Variants in LIPT2 observed in about 807,000 individuals in gnomAD.
LIPT2 encodes octanoyl-[acyl-carrier-protein]:protein N-octanoyltransferase LIPT2, mitochondrial.
LIPT2 carries 16 observed loss-of-function variants against 16.2 expected under a neutral mutation model. The ratio of observed to expected loss-of-function variants is 0.99; its 90% confidence interval spans 0.67 to 1.50. The LOEUF (loss-of-function observed/expected upper bound fraction) is 1.50, where lower values mean the gene tolerates loss of function less well. LIPT2 is among the 40% of genes most tolerant of loss of function. The pLI, the probability that LIPT2 is intolerant of heterozygous loss-of-function variation, is 0.00. For missense variants in LIPT2, 424 were observed against 347.7 expected, an observed-to-expected ratio of 1.22 and a Z score of -1.75; for synonymous variants, 199 against 169.3, an observed-to-expected ratio of 1.18 and a Z score of -1.36.
chr11:74,492,413 G>A, intron 1 of LIPT2, 49 bp from the exon 2 acceptor site: 1 of 1,256,168 alleles, frequency 8.0e-7, no homozygotes, highest in Non-Finnish European at 1.1e-6. Flanking sequence ...CCACTCTCCG[G>A]GCTTTGGTGT....
Position 74,493,457 on chromosome 11 carries a change from T to C in LIPT2, c.247A>G (p.Thr83Ala). The C allele has an allele frequency of 6.7e-7, 1 of 1,490,036 alleles. No individual in the cohort carries two copies. Among genetic ancestry groups the C allele is most frequent in the Non-Finnish European group, 8.9e-7 (1 of 1,126,696 alleles). The allele number at this position is 1,490,036 out of a possible 1,614,324, so 92.3% of individuals were successfully genotyped here. ...LRALGAEVRV[T>A]GRGGLATFHG... is the part of the protein sequence containing the mutation. The stretch of plus-strand genomic sequence containing the variant: ...AAGGTGGCCAGGCCACCGCGGCCTG[T>C]GACGCGCACCTCGGCGCCCAAGGCC... The change falls in exon 1 of 2, where the codon ACA becomes GCA. Residue 83 changes from threonine (T) to alanine (A), a missense_variant. By Grantham distance (58) the Thr-to-Ala change is moderately conservative (BLOSUM62 0). Coordinates refer to ENST00000310109, the MANE Select transcript of LIPT2 (RefSeq NM_001144869.3).
At position 74,492,165 on chromosome 11, in the gene LIPT2, G is replaced by A. The variant is rs574281635; in HGVS notation, c.666C>T (p.Cys222=). The stretch of plus-strand genomic sequence containing the variant: ...TGGGGCTGTCCTCTGAGATCAGTGT[G>A]CACTTGTAGATCTCCTTAAAGGCCA... ...FLVAFKEIYK[C]TLISEDSPN The change falls in exon 2 of 2, where the codon TGC becomes TGT. Residue 222 remains cysteine (C), a synonymous_variant. Transcript: ENST00000310109. The A allele has an allele frequency of 3.2e-6, 5 of 1,551,538 alleles. No individual in the cohort carries two copies. The South Asian group carries it at 4.8e-5, about 15-fold the overall frequency.
chr11:74,493,672 A>G lies in LIPT2; in HGVS notation c.32T>C (p.Leu11Pro). 2 of 1,414,156 alleles carry G rather than the reference A, an allele frequency of 1.4e-6. 1 individual carries two copies. The highest frequency in any genetic ancestry group is 1.8e-6 in the Non-Finnish European group (2 of 1,090,548). The allele number at this position is 1,414,156 out of a possible 1,614,324, so 87.6% of individuals were successfully genotyped here. ...TAGCTCGGCGTACGGCACCCGACCC[A>G]GGCGCACCAACCGAACGGCGGGTTG... MRQPAVRLVR[L>P]GRVPYAELLG... is the part of the protein sequence containing the mutation. The change falls in exon 1 of 2, where the codon CTG becomes CCG. Residue 11 changes from leucine (L) to proline (P), a missense_variant. Transcript: ENST00000310109.
rs543581000 is a variant in LIPT2 at position 74,493,597 on chromosome 11, A to G, written c.107T>C (p.Ile36Thr). The G allele has an allele frequency of 8.1e-4, 1,186 of 1,455,654 alleles. 1 individual carries two copies. The highest frequency in any genetic ancestry group is 4.7e-3 in the Middle Eastern group (20 of 4,290). 90.2% of individuals were successfully genotyped at this position (1,455,654 alleles called of 1,614,324 possible). The change falls in exon 1 of 2, where the codon ATT (isoleucine) becomes ACT (threonine). Residue 36 changes from isoleucine to threonine, a missense_variant. Physicochemically the swap from Ile to Thr is moderately conservative, Grantham distance 89. Transcript: ENST00000310109. The stretch of plus-strand genomic sequence containing the variant: ...CGCCTCAGTCCCCGACGGGGCCTCA[A>G]TGCCTGGCTCGGCCTGCAGCCGCCG... ...WLRRLQAEPG[I>T]EAPSGTEAGA...
chr11:74,491,889 G>T lies in LIPT2; in HGVS notation c.*246C>A. The T allele has an allele frequency of 2.0e-6, 1 of 502,240 alleles. No homozygotes were observed. The allele number at this position is 502,240 out of a possible 1,614,324, so 31.1% of individuals were successfully genotyped here. Reference sequence around the variant, plus strand: ...CTGAGACACTGCTGTCAATAGCAGTGCTAATGTTTTATATAGCATGTGTTG... The same window carrying T: ...CTGAGACACTGCTGTCAATAGCAGTTCTAATGTTTTATATAGCATGTGTTG... On this transcript the variant is annotated 3_prime_UTR_variant, in exon 2 of 2. Transcript: ENST00000310109.
Position 74,493,272 on chromosome 11 carries a change from G to C in LIPT2, c.432C>G (p.Gly144=). Residue 144 remains glycine, a synonymous_variant, in exon 1 of 2, where the codon GGC becomes GGG. Coordinates refer to ENST00000310109, the MANE Select transcript of LIPT2 (RefSeq NM_001144869.3). The part of the protein sequence containing the change: ...DARARPPPYT[G]VWLDDRKICA... ...AGATCTTGCGATCGTCTAGCCAGAC[G>C]CCAGTGTAGGGCGGGGGCCGCGCGC... The C allele has an allele frequency of 7.2e-7, 1 of 1,383,404 alleles. No individual in the cohort carries two copies. Among genetic ancestry groups the C allele is most frequent in the Non-Finnish European group, 9.4e-7 (1 of 1,069,430 alleles). The allele number at this position is 1,383,404 out of a possible 1,614,324, so 85.7% of individuals were successfully genotyped here.
In LIPT2 at chr11:74,493,232, G is replaced by A. The variant is rs1158507210; in HGVS notation, c.466+6C>T. ...CTCAGGTACCGCCCTGCTCCGCGGC[G>A]CTCACCGATCGCGCAGATCTTGCGA... On this transcript the variant is annotated splice_donor_region_variant and intron_variant, in intron 1 of 1. Coordinates refer to ENST00000310109, the MANE Select transcript of LIPT2 (RefSeq NM_001144869.3). 1.3e-5 allele frequency: 17 copies of A among 1,345,086 alleles called. No individual in the cohort carries two copies. Among genetic ancestry groups the A allele is most frequent in the Non-Finnish European group, 1.6e-5 (17 of 1,049,712 alleles). The allele number at this position is 1,345,086 out of a possible 1,614,324, so 83.3% of individuals were successfully genotyped here. A position where few individuals can be genotyped will look rare whatever the true frequency, so the allele number is the denominator to read the frequency against.
At position 74,493,340 on chromosome 11, in the gene LIPT2, A is replaced by T; in HGVS notation, c.364T>A (p.Cys122Ser). ...TGGAGCTCGCACAGGCGCACGGCGC[A>T]CGCCTCCAGCGACGCTACGTGCATG... ...LRMHVASLEACAVRLCELQGL... is the reference protein window; with the variant it reads ...LRMHVASLEASAVRLCELQGL... Residue 122 changes from cysteine to serine, a missense_variant, in exon 1 of 2, where the codon TGC becomes AGC. Coordinates refer to ENST00000310109, the MANE Select transcript of LIPT2 (RefSeq NM_001144869.3). 1 of 1,498,584 alleles carries T rather than the reference A, an allele frequency of 6.7e-7. No individual in the cohort carries two copies. The highest frequency in any genetic ancestry group is 1.4e-5 in the African/African-American group (1 of 69,332). The allele number at this position is 1,498,584 out of a possible 1,614,324, so 92.8% of individuals were successfully genotyped here. A position where few individuals can be genotyped will look rare whatever the true frequency, so the allele number is the denominator to read the frequency against.
rs1216548084 is a variant in LIPT2 at position 74,490,599 on chromosome 11, A to C, written c.*1536T>G. 6.6e-6 allele frequency among the ~76,000 whole-genome samples: 1 copy of C among 152,198 alleles called. No homozygotes were observed. The highest frequency in any genetic ancestry group is 2.4e-5 in the African/African-American group (1 of 41,450). On this transcript the variant is annotated 3_prime_UTR_variant, in exon 2 of 2. Coordinates refer to ENST00000310109, the MANE Select transcript of LIPT2 (RefSeq NM_001144869.3). ...TCATAGACCAGGCATGGTGGCTCAC[A>C]CCTGTAATTCCAGCACTTTGTGAGG...
In LIPT2 at chr11:74,491,981, A is replaced by G. The variant is rs1209241656; in HGVS notation, c.*154T>C. 1 of 610,472 alleles carries G rather than the reference A, an allele frequency of 1.6e-6. No homozygotes were observed. Among genetic ancestry groups the G allele is most frequent in the Non-Finnish European group, 2.9e-6 (1 of 339,828 alleles). The allele number at this position is 610,472 out of a possible 1,614,324, so 37.8% of individuals were successfully genotyped here. The stretch of plus-strand genomic sequence containing the variant: ...GGGGAAGATATAAATAAAACAGGAT[A>G]CATATGAAAATAGTGGCTCAGAGCT... On this transcript the variant is annotated 3_prime_UTR_variant, in exon 2 of 2. Transcript: ENST00000310109.
rs941051996 is a variant in LIPT2 at position 74,493,695 on chromosome 11, T to A, written c.9A>T (p.Gln3His). ...CCAGGCGCACCAACCGAACGGCGGG[T>A]TGCCGCATCGTGCCCACCGTTGCGT... MRQPAVRLVRLGR... is the reference protein window; with the variant it reads MRHPAVRLVRLGR... The change falls in exon 1 of 2, where the codon CAA (glutamine) becomes CAT (histidine). Residue 3 changes from glutamine (Q) to histidine (H), a missense_variant. Coordinates refer to ENST00000310109, the MANE Select transcript of LIPT2 (RefSeq NM_001144869.3). 6.5e-6 allele frequency: 9 copies of A among 1,383,184 alleles called. No homozygotes were observed. Among genetic ancestry groups the A allele is most frequent in the Non-Finnish European group, 8.4e-6 (9 of 1,074,242 alleles). 85.7% of individuals were successfully genotyped at this position (1,383,184 alleles called of 1,614,324 possible). A position where few individuals can be genotyped will look rare whatever the true frequency, so the allele number is the denominator to read the frequency against.
At position 74,491,903 on chromosome 11, in the gene LIPT2, T is replaced by C. The variant is rs1591244181; in HGVS notation, c.*232A>G. ...TCAATAGCAGTGCTAATGTTTTATA[T>C]AGCATGTGTTGCTTTTCACAGTATT... On this transcript the variant is annotated 3_prime_UTR_variant, in exon 2 of 2. Transcript: ENST00000310109. The C allele has an allele frequency of 2.2e-5, 12 of 537,780 alleles. 1 individual carries two copies. The highest frequency in any genetic ancestry group is 1.5e-4 in the South Asian group (7 of 46,332). The allele number at this position is 537,780 out of a possible 1,614,324, so 33.3% of individuals were successfully genotyped here.
Position 74,492,087 on chromosome 11 carries a change from A to G in LIPT2, c.*48T>C, listed in dbSNP as rs1399301694. Reference sequence around the variant, plus strand: ...GGTTTCAGTAGGTGACTCAAGTCAGACTTCATGCTTCCCAAGGCAGGAGCA... The same window carrying G: ...GGTTTCAGTAGGTGACTCAAGTCAGGCTTCATGCTTCCCAAGGCAGGAGCA... On this transcript the variant is annotated 3_prime_UTR_variant, in exon 2 of 2. Coordinates refer to ENST00000310109, the MANE Select transcript of LIPT2 (RefSeq NM_001144869.3). 8 of 1,458,908 alleles carry G rather than the reference A, an allele frequency of 5.5e-6. No homozygotes were observed. In the East Asian group the frequency reaches 2.0e-4, roughly 36 times the overall value. The allele number at this position is 1,458,908 out of a possible 1,614,324, so 90.4% of individuals were successfully genotyped here.
chr11:74,493,687 A>C lies in LIPT2; in HGVS notation c.17T>G (p.Val6Gly). The change falls in exon 1 of 2, where the codon GTT becomes GGT. Residue 6 changes from valine (V) to glycine (G), a missense_variant. Transcript: ENST00000310109. ...CACCCGACCCAGGCGCACCAACCGA[A>C]CGGCGGGTTGCCGCATCGTGCCCAC... Reference protein sequence around the residue: MRQPAVRLVRLGRVPY... With the variant: MRQPAGRLVRLGRVPY... 7.2e-7 allele frequency: 1 copy of C among 1,388,638 alleles called. No homozygotes were observed. The highest frequency in any genetic ancestry group is 9.3e-7 in the Non-Finnish European group (1 of 1,076,960). The allele number at this position is 1,388,638 out of a possible 1,614,324, so 86.0% of individuals were successfully genotyped here. A position where few individuals can be genotyped will look rare whatever the true frequency, so the allele number is the denominator to read the frequency against.
In LIPT2 at chr11:74,491,905, G is replaced by T; in HGVS notation, c.*230C>A. 1.9e-6 allele frequency: 1 copy of T among 540,164 alleles called. No homozygotes were observed. The highest frequency in any genetic ancestry group is 3.4e-6 in the Non-Finnish European group (1 of 298,502). 33.5% of individuals were successfully genotyped at this position (540,164 alleles called of 1,614,324 possible). On this transcript the variant is annotated 3_prime_UTR_variant, in exon 2 of 2. Transcript: ENST00000310109. ...AATAGCAGTGCTAATGTTTTATATA[G>T]CATGTGTTGCTTTTCACAGTATTGT...
Position 74,493,669 on chromosome 11 carries a change from C to T in LIPT2, c.35G>A (p.Gly12Asp). 1 of 1,421,928 alleles carries T rather than the reference C, an allele frequency of 7.0e-7. No homozygotes were observed. The highest frequency in any genetic ancestry group is 9.1e-7 in the Non-Finnish European group (1 of 1,094,050). The allele number at this position is 1,421,928 out of a possible 1,614,324, so 88.1% of individuals were successfully genotyped here. The change falls in exon 1 of 2, where the codon GGT becomes GAT. Residue 12 changes from glycine (G) to aspartate (D), a missense_variant. Gly to Asp is a moderately conservative substitution (Grantham distance 94, BLOSUM62 -1). Coordinates refer to ENST00000310109, the MANE Select transcript of LIPT2 (RefSeq NM_001144869.3). ...RQPAVRLVRLGRVPYAELLGL... is the reference protein window; with the variant it reads ...RQPAVRLVRLDRVPYAELLGL... Reference sequence around the variant, plus strand: ...CAGTAGCTCGGCGTACGGCACCCGACCCAGGCGCACCAACCGAACGGCGGG... The same window carrying T: ...CAGTAGCTCGGCGTACGGCACCCGATCCAGGCGCACCAACCGAACGGCGGG...
At position 74,493,644 on chromosome 11, in the gene LIPT2, C is replaced by A. The variant is rs1445047576; in HGVS notation, c.60G>T (p.Leu20=). The change falls in exon 1 of 2, where the codon CTG becomes CTT. Residue 20 remains leucine, a synonymous_variant. Coordinates refer to ENST00000310109, the MANE Select transcript of LIPT2 (RefSeq NM_001144869.3). ...RLGRVPYAEL[L]GLQDRWLRRL... is the part of the protein sequence containing the mutation. The stretch of plus-strand genomic sequence containing the variant: ...GCCGCAGCCAGCGGTCCTGCAGCCC[C>A]AGTAGCTCGGCGTACGGCACCCGAC... 9.6e-6 allele frequency: 14 copies of A among 1,456,380 alleles called. No individual in the cohort carries two copies. The Admixed American group carries it at 1.3e-4, about 13-fold the overall frequency. The allele number at this position is 1,456,380 out of a possible 1,614,324, so 90.2% of individuals were successfully genotyped here. A position where few individuals can be genotyped will look rare whatever the true frequency, so the allele number is the denominator to read the frequency against.
At position 74,493,611 on chromosome 11, in the gene LIPT2, C is replaced by A. The variant is rs1459677644; in HGVS notation, c.93G>T (p.Gln31His). 12 of 1,457,548 alleles carry A rather than the reference C, an allele frequency of 8.2e-6. No individual in the cohort carries two copies. Among genetic ancestry groups the A allele is most frequent in the Non-Finnish European group, 9.9e-6 (11 of 1,110,670 alleles). 90.3% of individuals were successfully genotyped at this position (1,457,548 alleles called of 1,614,324 possible). Reference sequence around the variant, plus strand: ...ACGGGGCCTCAATGCCTGGCTCGGCCTGCAGCCGCCGCAGCCAGCGGTCCT... The same window carrying A: ...ACGGGGCCTCAATGCCTGGCTCGGCATGCAGCCGCCGCAGCCAGCGGTCCT... ...GLQDRWLRRL[Q>H]AEPGIEAPSG... The change falls in exon 1 of 2, where the codon CAG (glutamine) becomes CAT (histidine). Residue 31 changes from glutamine (Q) to histidine (H), a missense_variant. By Grantham distance (24) the Gln-to-His change is conservative. Transcript: ENST00000310109.
Position 74,492,075 on chromosome 11 carries a change from G to T in LIPT2, c.*60C>A. 2 of 1,353,108 alleles carry T rather than the reference G, an allele frequency of 1.5e-6. No homozygotes were observed. The highest frequency in any genetic ancestry group is 1.3e-5 in the South Asian group (1 of 79,168). The allele number at this position is 1,353,108 out of a possible 1,614,324, so 83.8% of individuals were successfully genotyped here. A position where few individuals can be genotyped will look rare whatever the true frequency, so the allele number is the denominator to read the frequency against. ...GTCTAAAATCTGGGTTTCAGTAGGT[G>T]ACTCAAGTCAGACTTCATGCTTCCC... On this transcript the variant is annotated 3_prime_UTR_variant, in exon 2 of 2. Coordinates refer to ENST00000310109, the MANE Select transcript of LIPT2 (RefSeq NM_001144869.3).
Sources: allele counts gnomAD v4.1 joint callset (sites outside exome capture counted in the v4.1 genomes callset), GRCh38; gene constraint gnomAD v4.1.1; transcripts MANE v1.5; gene names NCBI Gene and HGNC (gene_info 2026-07-23, HGNC 2026-07-21).